The following KLHL13 variants were observed in gnomAD, a reference collection of about 807,000 sequenced individuals.
KLHL13 encodes the protein kelch-like protein 13.
Under a neutral mutation model 37.1 loss-of-function variants are expected in KLHL13, and 10 were observed. The ratio of observed to expected loss-of-function variants is 0.27; its 90% CI spans 0.17 to 0.46. KLHL13 has a LOEUF of 0.46. Ranked by LOEUF, KLHL13 falls within the 20% of genes least tolerant of loss-of-function variation. KLHL13 has a pLI of 1.00. For synonymous variants in KLHL13, 163 were observed against 181.2 expected (o/e 0.90, Z 0.81); for missense variants, 360 against 509.3 (o/e 0.71, Z 2.82).
chrX:118,053,354 A>G (rs977025382), intron 1 of KLHL13, among the ~76,000 whole-genome samples: 1 of 111,770 alleles, frequency 8.9e-6, no homozygotes, highest in Non-Finnish European at 1.9e-5. Flanking sequence ...CATGGATGAA[A>G]CTGGAAACCA....
At chrX:118,045,445 C>T (rs2054550008) in intron 1 of KLHL13, among the ~76,000 whole-genome samples, 2 of 108,711 alleles carry the variant, frequency 1.8e-5, no homozygotes, top group African/African-American at 6.7e-5. Context: ...AGAAGACATA[C>T]ATATGGCAAA....
intron 1 of KLHL13, among the ~76,000 whole-genome samples, chrX:118,018,579 G>C (rs759685716): frequency 9.0e-6 from 1 of 111,472 alleles, no homozygotes; most frequent in Non-Finnish European, 1.9e-5. Flanking sequence ...AATTTATGTA[G>C]AATGTATAGG....
chrX:117,920,497 G>A (rs1169416422), intron 2 of KLHL13, 127 bp from the exon 4 acceptor site: 3 of 667,693 alleles, frequency 4.5e-6, no homozygotes, highest in Non-Finnish European at 6.6e-6. Flanking sequence ...CAGAATATTC[G>A]GGAGAAGAAA....
intron 1 of KLHL13, among the ~76,000 whole-genome samples, chrX:118,065,558 C>A (rs904078443): frequency 4.5e-5 from 5 of 111,491 alleles, no homozygotes; most frequent in Non-Finnish European, 3.8e-5. Context: ...GGTCTCAGGG[C>A]AGTCATATGC....
rs753122247 is a variant in KLHL13 at position 117,941,991 on chromosome X, AC to A, written c.240+3442del. On this transcript the variant is annotated intron_variant, in intron 2 of 6. Coordinates refer to ENST00000262820, the Ensembl canonical transcript of KLHL13. Reference sequence around the variant, plus strand: ...TTTAGTGCTATAAATTTCTCTCTAAACACTGCTTTAGCTGTGTCCCAGAGAT... The same window carrying A: ...TTTAGTGCTATAAATTTCTCTCTAAAACTGCTTTAGCTGTGTCCCAGAGAT... Among the ~76,000 whole-genome samples the A allele has an allele frequency of 2.9e-4, 32 of 112,055 alleles. No homozygotes were observed. The East Asian group carries it at 4.8e-3, about 17-fold the overall frequency.
chrX:118,057,023 CTT>C (rs750345670), intron 1 of KLHL13, among the ~76,000 whole-genome samples: 11 of 111,973 alleles, frequency 9.8e-5, no homozygotes, highest in African/African-American at 3.6e-4. Flanking sequence ...TTCCTTGGGA[CTT>C]TTTTTCAGCA....
chrX:117,977,416 GCTAA>G (rs774738130), upstream of KLHL13, among the ~76,000 whole-genome samples: 25 of 111,173 alleles, frequency 2.2e-4, no homozygotes, highest in African/African-American at 7.9e-4. Context: ...AACTTAATTT[GCTAA>G]CTGACTAGTA....
intron 1 of KLHL13, among the ~76,000 whole-genome samples, chrX:117,952,173 TC>T (rs1247850048): frequency 9.0e-6 from 1 of 111,578 alleles, no homozygotes; most frequent in Non-Finnish European, 1.9e-5. Flanking sequence ...ACTACAGTAA[TC>T]AAAACAGCAT....
At chrX:118,094,678 T>G (rs1369330455) in intron 1 of KLHL13, among the ~76,000 whole-genome samples, 1 of 111,671 alleles carries the variant, frequency 9.0e-6, no homozygotes, top group Admixed American at 9.5e-5. Context: ...CCCATCAGAC[T>G]AACAGCTGAT....
intron 4 of KLHL13, among the ~76,000 whole-genome samples, chrX:117,911,911 C>T (rs2147653247): frequency 8.9e-6 from 1 of 111,883 alleles, no homozygotes; most frequent in South Asian, 3.7e-4. Context: ...ATACCTAACA[C>T]ATAACTGTAA....
intron 1 of KLHL13, among the ~76,000 whole-genome samples, chrX:118,087,175 G>C (rs999329682): frequency 9.1e-6 from 1 of 110,332 alleles, no homozygotes; most frequent in African/African-American, 3.3e-5. Context: ...AGATCAAATG[G>C]GTCCTGCCAC....
At chrX:118,007,151 A>G (rs1307764367) in intron 1 of KLHL13, among the ~76,000 whole-genome samples, 1 of 110,593 alleles carries the variant, frequency 9.0e-6, no homozygotes, top group African/African-American at 3.3e-5. Flanking sequence ...GCTCATGCCT[A>G]TAAGCCCAGC....
chrX:118,084,891 G>A (rs1288845654), intron 1 of KLHL13, among the ~76,000 whole-genome samples: 2 of 110,012 alleles, frequency 1.8e-5, no homozygotes, highest in African/African-American at 6.6e-5. Flanking sequence ...CAGGCGTGGT[G>A]GCATGTGGTG....
At chrX:118,068,928 A>T (rs1015037462) in intron 1 of KLHL13, among the ~76,000 whole-genome samples, 2 of 110,908 alleles carry the variant, frequency 1.8e-5, no homozygotes, top group African/African-American at 6.6e-5. Context: ...CCCCTCAGGC[A>T]GAGTTGAGGC....
At chrX:118,103,199 T>G (rs1029598189) in intron 1 of KLHL13, among the ~76,000 whole-genome samples, 21 of 111,915 alleles carry the variant, frequency 1.9e-4, no homozygotes, top group African/African-American at 6.8e-4. Flanking sequence ...TTGAGCTTAG[T>G]GATAAAGAGG....
At chrX:118,053,838 A>G (rs2054650600) in intron 1 of KLHL13, among the ~76,000 whole-genome samples, 1 of 38,500 alleles carries the variant, frequency 2.6e-5, no homozygotes. Context: ...AGAGAGAGAG[A>G]GAGAGAGAGA....
At chrX:118,055,010 C>A (rs1316316677) in intron 1 of KLHL13, among the ~76,000 whole-genome samples, 1 of 109,695 alleles carries the variant, frequency 9.1e-6, no homozygotes, top group Admixed American at 9.7e-5. Context: ...CCTTAGAAAG[C>A]AGTATTTCAG....
upstream of KLHL13, among the ~76,000 whole-genome samples, chrX:117,977,575 G>C (rs1012525489): frequency 3.6e-5 from 4 of 111,790 alleles, no homozygotes; most frequent in Admixed American, 1.9e-4. Context: ...TACAGCTAAA[G>C]ACTAATAGCC....
At chrX:118,095,916 C>T (rs1355452419) in intron 1 of KLHL13, among the ~76,000 whole-genome samples, 1 of 111,495 alleles carries the variant, frequency 9.0e-6, no homozygotes, top group African/African-American at 3.3e-5. Context: ...ATCTCTGGGA[C>T]ACATTCAAAG....
Sources: allele counts gnomAD v4.1 joint callset (sites outside exome capture counted in the v4.1 genomes callset), GRCh38; gene constraint gnomAD v4.1.1; transcripts MANE v1.5; gene names NCBI Gene and HGNC (gene_info 2026-07-23, HGNC 2026-07-21).